NFIB: variants seen among roughly 807,000 people sequenced by gnomAD.
The protein encoded by NFIB is nuclear factor I B.
NFIB carries 11 observed loss-of-function variants against 61.5 expected under a neutral mutation model. The ratio of observed to expected loss-of-function variants is 0.18; its 90% CI spans 0.11 to 0.30. The LOEUF is 0.30. NFIB is among the 10% of genes least tolerant of loss of function. The pLI is 1.00. For missense variants in NFIB, 471 were observed against 608.9 expected (o/e 0.77, Z 2.38); for synonymous variants, 260 against 216.5 (o/e 1.20, Z -1.76).
At chr9:14,200,865 C>G (rs1371456931) in intron 2 of NFIB, among the ~76,000 whole-genome samples, 2 of 152,154 alleles carry the variant, frequency 1.3e-5, no homozygotes, top group Non-Finnish European at 2.9e-5. Flanking sequence ...CTAACCTCTT[C>G]TTTAACTGCA....
chr9:14,497,655 T>A, the NFIB span, among the ~76,000 whole-genome samples: 1 of 152,216 alleles, frequency 6.6e-6, no homozygotes, highest in Non-Finnish European at 1.5e-5. Flanking sequence ...TGATTCATCT[T>A]CCAGGATGCT....
rs747416245 is a variant in NFIB at position 14,313,471 on chromosome 9, G to C, written c.30+11C>G. Reference sequence around the variant, plus strand: ...AGAGAGAAAGCTCGAGAAAGCGACCGAGACATGTACCTGAGTGAGACAGAT... The same window carrying C: ...AGAGAGAAAGCTCGAGAAAGCGACCCAGACATGTACCTGAGTGAGACAGAT... On this transcript the variant is annotated intron_variant, in intron 1 of 10. Transcript: ENST00000380953. The surrounding 1 kb of genome is among the most constrained non-coding windows in gnomAD (Gnocchi z 4.5). The C allele has an allele frequency of 6.2e-6, 10 of 1,613,558 alleles. No homozygotes were observed. The highest frequency in any genetic ancestry group is 8.5e-6 in the Non-Finnish European group (10 of 1,179,788).
the NFIB span, among the ~76,000 whole-genome samples, chr9:14,482,989 C>T: frequency 1.3e-5 from 2 of 152,116 alleles, no homozygotes; most frequent in South Asian, 2.1e-4. Flanking sequence ...AATGAAAATT[C>T]GAATAAAAAT....
At chr9:14,455,759 A>C in the NFIB span, among the ~76,000 whole-genome samples, 18 of 152,216 alleles carry the variant, frequency 1.2e-4, no homozygotes, top group Non-Finnish European at 2.6e-4. Flanking sequence ...AAACAAGATT[A>C]TCATTCGTTT....
chr9:14,355,867 G>C (rs915285987), intron 1 of NFIB, among the ~76,000 whole-genome samples: 2 of 151,984 alleles, frequency 1.3e-5, no homozygotes, highest in Non-Finnish European at 2.9e-5. Flanking sequence ...TGAGGCAGGA[G>C]AATGGCATGA....
intron 10 of NFIB, among the ~76,000 whole-genome samples, chr9:14,100,873 G>A (rs1486497983): frequency 6.6e-6 from 1 of 152,172 alleles, no homozygotes; most frequent in Non-Finnish European, 1.5e-5. Flanking sequence ...TTACAAACAT[G>A]AGTACACGTC....
At chr9:14,332,535 C>A (rs1016037657) in intron 1 of NFIB, among the ~76,000 whole-genome samples, 1 of 152,012 alleles carries the variant, frequency 6.6e-6, no homozygotes, top group South Asian at 2.1e-4. Flanking sequence ...TATGGAGCAC[C>A]TCCCCTGTGC....
intron 2 of NFIB, among the ~76,000 whole-genome samples, chr9:14,193,904 A>G (rs1359032938): frequency 6.6e-6 from 1 of 152,112 alleles, no homozygotes; most frequent in Non-Finnish European, 1.5e-5. Context: ...GGATGTGCAC[A>G]CTTAGCTGCC....
At chr9:14,303,110 T>A (rs980072437) in intron 2 of NFIB, among the ~76,000 whole-genome samples, 2 of 152,176 alleles carry the variant, frequency 1.3e-5, no homozygotes, top group Non-Finnish European at 2.9e-5. Flanking sequence ...TTTTTAAACA[T>A]GTATTCTGTT....
exon 1 of NFIB, chr9:14,398,666 C>T (rs914497039): frequency 2.1e-6 from 3 of 1,429,792 alleles, no homozygotes; most frequent in Admixed American, 4.4e-5. Context: ...AGCCTGTAGG[C>T]TCTGCTTCTG....
intron 5 of NFIB, among the ~76,000 whole-genome samples, chr9:14,147,586 G>A (rs181882444): frequency 2.8e-5 from 4 of 145,248 alleles, no homozygotes; most frequent in East Asian, 2.0e-4. Flanking sequence ...TCTTAAAATC[G>A]ACTGTGAAAA....
At chr9:14,395,442 G>C (rs72700547) in intron 1 of NFIB, among the ~76,000 whole-genome samples, 33,622 of 151,920 alleles carry the variant, frequency 0.22, 4,737 homozygotes, top group Non-Finnish European at 0.32. Context: ...TACCAGCTCT[G>C]AGAGCTGGCA....
intron 2 of NFIB, among the ~76,000 whole-genome samples, chr9:14,258,819 AAC>A (rs1273307516): frequency 6.6e-6 from 1 of 152,186 alleles, no homozygotes; most frequent in Non-Finnish European, 1.5e-5. Context: ...AAAATACATA[AAC>A]ACACATGTAT....
chr9:14,265,402 C>T (rs531846324), intron 2 of NFIB, among the ~76,000 whole-genome samples: 27 of 152,226 alleles, frequency 1.8e-4, no homozygotes, highest in African/African-American at 6.0e-4. Flanking sequence ...CCTAATATGA[C>T]AGAACTAGTG....
chr9:14,307,551 G>A lies in NFIB; in HGVS notation c.31-31C>T, dbSNP rs1263337588. ...GAAGACAGAGGGGTGAGGAAAAGAT[G>A]TGCATAGTCAGTTTAATTTTAAAAG... On this transcript the variant is annotated intron_variant, in intron 1 of 10. Transcript: ENST00000380953. This position sits in a 1 kb window ranked among gnomAD's most constrained non-coding sequence, Gnocchi z 5.3. The A allele has an allele frequency of 1.3e-6, 2 of 1,516,894 alleles. No homozygotes were observed. Among genetic ancestry groups the A allele is most frequent in the African/African-American group, 1.4e-5 (1 of 71,634 alleles). 94.0% of individuals were successfully genotyped at this position (1,516,894 alleles called of 1,614,324 possible).
chr9:14,420,571 T>C, the NFIB span, among the ~76,000 whole-genome samples: 8 of 152,030 alleles, frequency 5.3e-5, no homozygotes, highest in African/African-American at 1.9e-4. Flanking sequence ...GATGAAGATA[T>C]TTGGTAGCAA....
At chr9:14,300,830 A>T (rs1194254300) in intron 2 of NFIB, among the ~76,000 whole-genome samples, 1 of 152,220 alleles carries the variant, frequency 6.6e-6, no homozygotes, top group African/African-American at 2.4e-5. Flanking sequence ...AAACGGTTTT[A>T]TATAGCCTAC....
At chr9:14,491,290 C>G in the NFIB span, among the ~76,000 whole-genome samples, 1 of 151,728 alleles carries the variant, frequency 6.6e-6, no homozygotes, top group Admixed American at 6.6e-5. Context: ...AGGCTTTTGA[C>G]ATATCTAAAA....
chr9:14,173,384 G>C (rs181116860), intron 3 of NFIB, among the ~76,000 whole-genome samples: 18 of 151,960 alleles, frequency 1.2e-4, no homozygotes, highest in Admixed American at 2.0e-4. Context: ...GACCTGCATC[G>C]TAACACTAAT....
Sources: allele counts gnomAD v4.1 joint callset (sites outside exome capture counted in the v4.1 genomes callset), GRCh38; gene constraint gnomAD v4.1.1; non-coding constraint Gnocchi (gnomAD v3.1); transcripts MANE v1.5; gene names NCBI Gene and HGNC (gene_info 2026-07-23, HGNC 2026-07-21).